SMAD9: variants seen among roughly 807,000 people sequenced by gnomAD.
The protein encoded by SMAD9 is MAD homolog 9.
A neutral mutation model predicts 46.1 loss-of-function variants in SMAD9; 36 were observed. The observed-to-expected ratio is 0.78, with a 90% CI of 0.60 to 1.03. The LOEUF (loss-of-function observed/expected upper bound fraction) is 1.03, where lower values mean the gene tolerates loss of function less well. SMAD9 is among the 50% of genes least tolerant of loss of function. The probability of loss-of-function intolerance (pLI) is 0.00; values close to 1 mark genes in which losing one functional copy is unlikely to be tolerated. For synonymous variants in SMAD9, 245 were observed against 237.1 expected, an observed-to-expected ratio of 1.03 and a Z score of -0.31; for missense variants, 572 against 599.8, an observed-to-expected ratio of 0.95 and a Z score of 0.48.
chr13:36,885,298 G>C (rs955880412), intron 1 of SMAD9, among the ~76,000 whole-genome samples: 9 of 151,990 alleles, frequency 5.9e-5, no homozygotes, highest in African/African-American at 1.7e-4. Flanking sequence ...CTTCTATCTA[G>C]AAAACAGCTG....
Position 36,847,495 on chromosome 13 carries a change from T to C in SMAD9, c.*1181A>G, listed in dbSNP as rs1402922975. The C allele has an allele frequency of 1.3e-5, 2 of 152,218 alleles. No homozygotes were observed. The highest frequency in any genetic ancestry group is 2.9e-5 in the Non-Finnish European group (2 of 68,028). The allele number at this position is 152,218 out of a possible 1,614,324, so 9.4% of individuals were successfully genotyped here. ...GATGTCTTATTATTCAGTACCACTG[T>C]TCCCCAGAAATTGCAGATGATTATG... is the stretch of plus-strand genomic sequence containing the variant. On this transcript the variant is annotated 3_prime_UTR_variant, in exon 7 of 7. Coordinates refer to ENST00000379826, the MANE Select transcript of SMAD9 (RefSeq NM_001127217.3).
At chr13:36,873,131 G>A (rs2058312767) in intron 2 of SMAD9, among the ~76,000 whole-genome samples, 1 of 152,166 alleles carries the variant, frequency 6.6e-6, no homozygotes, top group Non-Finnish European at 1.5e-5. Context: ...TAAGGTAACA[G>A]TCTTCTCCTT....
intron 1 of SMAD9, among the ~76,000 whole-genome samples, chr13:36,890,468 T>C (rs1242048843): frequency 1.3e-5 from 2 of 152,244 alleles, no homozygotes; most frequent in Non-Finnish European, 2.9e-5. Flanking sequence ...TAATATTTTA[T>C]TGACGTAGTC....
intron 1 of SMAD9, among the ~76,000 whole-genome samples, chr13:36,880,142 T>C (rs780042060): frequency 1.6e-4 from 25 of 152,228 alleles, no homozygotes; most frequent in Non-Finnish European, 3.7e-4. Flanking sequence ...CTGTATTTCC[T>C]ATATCCAGGT....
At chr13:36,877,998 G>A (rs888553967) in intron 2 of SMAD9, among the ~76,000 whole-genome samples, 1 of 152,196 alleles carries the variant, frequency 6.6e-6, no homozygotes, top group East Asian at 1.9e-4. Flanking sequence ...TGGCCAAAGA[G>A]AGAAAGCTCT....
At chr13:36,865,436 G>C in intron 5 of SMAD9, 101 bp downstream of exon 5, 1 of 940,838 alleles carries the variant, frequency 1.1e-6, no homozygotes, top group South Asian at 1.3e-5. Flanking sequence ...CCTTCCACAG[G>C]GGCACATGAC....
chr13:36,883,017 T>C (rs985103889), intron 1 of SMAD9, among the ~76,000 whole-genome samples: 17 of 152,180 alleles, frequency 1.1e-4, no homozygotes, highest in African/African-American at 4.1e-4. Context: ...ATAAAGGTTA[T>C]TCATTCTCAT....
intron 1 of SMAD9, among the ~76,000 whole-genome samples, chr13:36,883,295 G>A (rs2058418974): frequency 1.3e-5 from 2 of 152,148 alleles, no homozygotes; most frequent in Non-Finnish European, 2.9e-5. Context: ...AAAAACAGGA[G>A]GGGCGATTAA....
At chr13:36,895,534 T>C (rs1187831114) in intron 1 of SMAD9, among the ~76,000 whole-genome samples, 1 of 152,160 alleles carries the variant, frequency 6.6e-6, no homozygotes, top group Non-Finnish European at 1.5e-5. Flanking sequence ...TTGTCAAATA[T>C]CTCCTGTCAC....
intron 5 of SMAD9, 37 bp downstream of exon 5, chr13:36,865,499 CG>C: frequency 1.3e-6 from 2 of 1,531,300 alleles, no homozygotes; most frequent in Non-Finnish European, 1.8e-6. Flanking sequence ...ATCTACATTT[CG>C]GCTAGATGAC....
intron 5 of SMAD9, among the ~76,000 whole-genome samples, chr13:36,857,960 A>G (rs1219199830): frequency 6.6e-6 from 1 of 152,184 alleles, no homozygotes. Flanking sequence ...TATATTTCTG[A>G]GTGTAATAAT....
Position 36,865,636 on chromosome 13 carries a change from TG to T in SMAD9, c.903del (p.Phe301LeufsTer19). On this transcript the variant is annotated frameshift_variant, in exon 5 of 7. Transcript: ENST00000379826. LOFTEE classifies it high-confidence loss of function. Reference protein sequence around the residue: ...ASSRSVLIDGFTDPSNNRNRF... With the variant: ...ASSRSVLIDGXTDPSNNRNRF... The stretch of plus-strand genomic sequence containing the variant: ...CTGTTCCTGTTATTTGAAGGGTCGG[TG>T]AACCCATCTATGAGCACACTTCGGG... The T allele has an allele frequency of 6.2e-7, 1 of 1,614,166 alleles. No homozygotes were observed. The highest frequency in any genetic ancestry group is 8.5e-7 in the Non-Finnish European group (1 of 1,179,978).
chr13:36,877,319 G>A (rs886993447), intron 2 of SMAD9, among the ~76,000 whole-genome samples: 5 of 152,086 alleles, frequency 3.3e-5, no homozygotes, highest in African/African-American at 7.2e-5. Flanking sequence ...CAGAGACTGC[G>A]CCACTGCACA....
intron 2 of SMAD9, among the ~76,000 whole-genome samples, chr13:36,878,175 T>TAC (rs58444769): frequency 0.088 from 13,251 of 150,276 alleles, 613 homozygotes; most frequent in East Asian, 0.14. Context: ...ATAATATACA[T>TAC]ACACACACAC....
chr13:36,853,310 G>A, intron 6 of SMAD9, 109 bp downstream of exon 6: 1 of 1,035,028 alleles, frequency 9.7e-7, no homozygotes, highest in Non-Finnish European at 1.5e-6. Flanking sequence ...TAATAAATTG[G>A]TTTTGTCTAT....
In SMAD9 at chr13:36,872,755, G is replaced by A; in HGVS notation, c.573C>T (p.Pro191=). 1 of 1,614,096 alleles carries A rather than the reference G, an allele frequency of 6.2e-7. No homozygotes were observed. The part of the protein sequence containing the change: ...FQQPPCSALP[P]SPSHAFSQSP... ...ACTGGGAGAACGCGTGGCTGGGTGA[G>A]GGAGGGAGTGCAGAGCACGGAGGCT... is the stretch of plus-strand genomic sequence containing the variant. Residue 191 remains proline (P), a synonymous_variant, in exon 3 of 7, where the codon CCC becomes CCT. Transcript: ENST00000379826.
upstream of SMAD9, chr13:36,920,327 C>G (rs924931844): frequency 6.7e-6 from 1 of 149,776 alleles, no homozygotes; most frequent in African/African-American, 2.4e-5. Flanking sequence ...CGCCCGCCGC[C>G]GCGCGCTCTG....
At chr13:36,865,194 C>T (rs1280505892) in intron 5 of SMAD9, among the ~76,000 whole-genome samples, 1 of 152,178 alleles carries the variant, frequency 6.6e-6, no homozygotes, top group Admixed American at 6.5e-5. Flanking sequence ...AGAAATGATC[C>T]TAGTTTGTAA....
In SMAD9 at chr13:36,896,300, T is replaced by C. The variant is rs1205794709; in HGVS notation, c.-186-16425A>G. Among the ~76,000 whole-genome samples the C allele has an allele frequency of 4.6e-5, 7 of 152,152 alleles. No homozygotes were observed. The South Asian group carries it at 1.0e-3, about 23-fold the overall frequency. On this transcript the variant is annotated intron_variant, in intron 1 of 6. Transcript: ENST00000379826. The stretch of plus-strand genomic sequence containing the variant: ...GGCACATGCCACCATGCCCAGCTAA[T>C]TTTTGGATTTATTGTAGAGACAAGG...
Sources: allele counts gnomAD v4.1 joint callset (sites outside exome capture counted in the v4.1 genomes callset), GRCh38; gene constraint gnomAD v4.1.1; transcripts MANE v1.5; gene names NCBI Gene and HGNC (gene_info 2026-07-23, HGNC 2026-07-21).